Variants in ZP2 observed in about 807,000 individuals in gnomAD.
ZP2 encodes zona pellucida sperm-binding protein 2.
In ZP2, 51 loss-of-function variants were observed where a neutral mutation model predicts 84.0. The observed-to-expected ratio is 0.61, with a 90% CI of 0.49 to 0.77. The LOEUF (loss-of-function observed/expected upper bound fraction) is 0.77. Among genes scored for constraint, ZP2 ranks in the 30% least tolerant of loss-of-function variants. The probability of loss-of-function intolerance (pLI) is 0.00; values close to 1 mark genes in which losing one functional copy is unlikely to be tolerated. For missense variants in ZP2, 909 were observed against 911.9 expected (o/e 1.00, Z 0.04); for synonymous variants, 375 against 330.9 (o/e 1.13, Z -1.45).
In ZP2 at chr16:21,205,538, G is replaced by C; in HGVS notation, c.575C>G (p.Ala192Gly). The C allele has an allele frequency of 6.2e-7, 1 of 1,614,042 alleles. No individual in the cohort carries two copies. Among genetic ancestry groups the C allele is most frequent in the Non-Finnish European group, 8.5e-7 (1 of 1,179,980 alleles). Reference protein sequence around the residue: ...MGWSIEVGDGARAKTLTLPEA... With the variant: ...MGWSIEVGDGGRAKTLTLPEA... ...TGGCAGGGTCAGAGTTTTGGCTCTT[G>C]CACCATCACCAACCTCAATGCTCCA... The change falls in exon 7 of 19, where the codon GCA (alanine) becomes GGA (glycine). Residue 192 changes from alanine to glycine, a missense_variant. Ala to Gly is a moderately conservative substitution (Grantham distance 60). Transcript: ENST00000574091.
upstream of ZP2, chr16:21,211,739 C>T (rs931858269): frequency 2.0e-5 from 30 of 1,488,634 alleles, no homozygotes; most frequent in African/African-American, 3.6e-4. Context: ...GGTATTCTGC[C>T]AGCTGCCCTG....
chr16:21,201,269 C>G (rs2093223696), intron 14 of ZP2, 100 bp downstream of exon 14: 1 of 1,074,318 alleles, frequency 9.3e-7, no homozygotes. Context: ...CTGGATCTCA[C>G]ATGACTGAAT....
In ZP2 at chr16:21,197,467, T is replaced by C. The variant is rs1408150550; in HGVS notation, c.*13A>G. ...CAAGAGGCTTATTTTGACTGCTTTA[T>C]TTAGAAGCCCATTTAGTGATTTGAC... On this transcript the variant is annotated 3_prime_UTR_variant, in exon 19 of 19. Transcript: ENST00000574091. The C allele has an allele frequency of 1.9e-6, 3 of 1,613,846 alleles. No individual in the cohort carries two copies. Among genetic ancestry groups the C allele is most frequent in the Non-Finnish European group, 2.5e-6 (3 of 1,179,904 alleles).
At chr16:21,199,344 A>G (rs1280303001) in intron 16 of ZP2, among the ~76,000 whole-genome samples, 3 of 142,646 alleles carry the variant, frequency 2.1e-5, no homozygotes, top group Non-Finnish European at 4.7e-5. Flanking sequence ...AAAAAAAAAA[A>G]GGATAGATTC....
intron 18 of ZP2, 66 bp from the exon 19 acceptor site, chr16:21,197,688 A>T (rs987370839): frequency 6.2e-7 from 1 of 1,612,560 alleles, no homozygotes; most frequent in African/African-American, 1.3e-5. Context: ...AGCCTTACAT[A>T]AGGCTCCCCA....
Position 21,209,721 on chromosome 16 carries a change from A to C in ZP2, c.240T>G (p.Pro80=), listed in dbSNP as rs771887422. ...TKKWHASVVD[P]LGLDMPNCTY... Reference sequence around the variant, plus strand: ...TGCAGTTCGGCATGTCGAGACCAAGAGGATCTGCCAAGGCCAGAGCAGGTT... The same window carrying C: ...TGCAGTTCGGCATGTCGAGACCAAGCGGATCTGCCAAGGCCAGAGCAGGTT... Residue 80 remains proline (P), a synonymous_variant, in exon 4 of 19, where the codon CCT becomes CCG. Transcript: ENST00000574091. 5 of 1,614,132 alleles carry C rather than the reference A, an allele frequency of 3.1e-6. No individual in the cohort carries two copies. Among genetic ancestry groups the C allele is most frequent in the Non-Finnish European group, 4.2e-6 (5 of 1,179,976 alleles).
At position 21,202,299 on chromosome 16, in the gene ZP2, G is replaced by T; in HGVS notation, c.1100-8C>A. ...TGCACAGCTCCCCTGTAACTAGACAGCGGTGAAAGTTTAGAGAAAATAAGT... is the reference window on the plus strand; with the variant it reads ...TGCACAGCTCCCCTGTAACTAGACATCGGTGAAAGTTTAGAGAAAATAAGT... On this transcript the variant is annotated splice_region_variant and splice_polypyrimidine_tract_variant and intron_variant, in intron 10 of 18. Transcript: ENST00000574091. The T allele has an allele frequency of 1.3e-6, 2 of 1,494,944 alleles. No homozygotes were observed. The highest frequency in any genetic ancestry group is 1.8e-6 in the Non-Finnish European group (2 of 1,125,500). The allele number at this position is 1,494,944 out of a possible 1,614,324, so 92.6% of individuals were successfully genotyped here. A position where few individuals can be genotyped will look rare whatever the true frequency, so the allele number is the denominator to read the frequency against.
At chr16:21,202,351 C>T in intron 10 of ZP2, 60 bp from the exon 11 acceptor site, 1 of 1,403,376 alleles carries the variant, frequency 7.1e-7, no homozygotes, top group Non-Finnish European at 9.5e-7. Context: ...ACTGTCATCT[C>T]CCAACCTGAT....
At chr16:21,202,650 T>C (rs17763635) in intron 10 of ZP2, among the ~76,000 whole-genome samples, 26,693 of 152,194 alleles carry the variant, frequency 0.18, 2,465 homozygotes, top group African/African-American at 0.2. Flanking sequence ...TTTCTTTGTA[T>C]ACTCACAAAT....
chr16:21,213,352 A>G (rs139429236), upstream of ZP2, among the ~76,000 whole-genome samples: 426 of 152,272 alleles, frequency 2.8e-3, 2 homozygotes, highest in African/African-American at 9.2e-3. Flanking sequence ...GCCCTTTGCC[A>G]CTAATTTTAA....
At chr16:21,205,810 T>G in intron 5 of ZP2, 35 bp from the exon 6 acceptor site, 1 of 1,610,910 alleles carries the variant, frequency 6.2e-7, no homozygotes, top group South Asian at 1.1e-5. Flanking sequence ...AGACTTTGAT[T>G]TGGAGGTAGA....
rs2093239180 is a variant in ZP2, at chr16:21,204,210, A to T, written c.792T>A (p.Asp264Glu). 4 of 1,614,096 alleles carry T rather than the reference A, an allele frequency of 2.5e-6. No individual in the cohort carries two copies. The highest frequency in any genetic ancestry group is 3.4e-6 in the Non-Finnish European group (4 of 1,180,004). ...IFSSQAICAP[D>E]PVTCNATHMT... ...TGTGTGTGGCATTGCAGGTCACAGG[A>T]TCTAGAAGGAATGACAACAGAATGC... is the stretch of plus-strand genomic sequence containing the variant. The change falls in exon 9 of 19, where the codon GAT becomes GAA. Residue 264 changes from aspartate to glutamate, a missense_variant and splice_region_variant. Asp to Glu is a conservative substitution (Grantham distance 45). Transcript: ENST00000574091.
chr16:21,202,079 C>G, intron 11 of ZP2, 25 bp downstream of exon 11: 1 of 1,613,388 alleles, frequency 6.2e-7, no homozygotes, highest in East Asian at 2.2e-5. Context: ...TGAGACTTAA[C>G]CTCGTGCCAT....
At chr16:21,211,860 C>T (rs953301006), upstream of ZP2, 3 of 1,136,278 alleles carry the variant, frequency 2.6e-6, no homozygotes, top group African/African-American at 3.1e-5. Flanking sequence ...TTATTTACAA[C>T]TGCAATGTAG....
Position 21,206,977 on chromosome 16 carries a change from T to A in ZP2, c.344A>T (p.Gln115Leu), listed in dbSNP as rs1256763538. 8.1e-6 allele frequency: 13 copies of A among 1,614,158 alleles called. No homozygotes were observed. The highest frequency in any genetic ancestry group is 1.3e-5 in the African/African-American group (1 of 75,054). ...NCTRRVHGGH[Q>L]MTIRVMNNSA... Reference sequence around the variant, plus strand: ...GTTGTTCATGACTCTGATGGTCATCTGGTGTCCACCATGCTGTGTACAGAT... The same window carrying A: ...GTTGTTCATGACTCTGATGGTCATCAGGTGTCCACCATGCTGTGTACAGAT... The change falls in exon 5 of 19, where the codon CAG becomes CTG. Residue 115 changes from glutamine (Q) to leucine (L), a missense_variant. Physicochemically the swap from Gln to Leu is moderately radical, Grantham distance 113. Transcript: ENST00000574091.
intron 4 of ZP2, 39 bp from the exon 5 acceptor site, chr16:21,207,029 G>A (rs750643658): frequency 9.3e-6 from 15 of 1,610,130 alleles, no homozygotes; most frequent in Non-Finnish European, 8.5e-7. Context: ...AGTAAGTACT[G>A]TACCCCCATG....
chr16:21,209,856 T>A (rs930324687), intron 3 of ZP2, 131 bp from the exon 4 acceptor site: 1 of 820,904 alleles, frequency 1.2e-6, no homozygotes, highest in Non-Finnish European at 2.0e-6. Context: ...AACTCAGTGA[T>A]AGAACTTGAG....
At position 21,204,301 on chromosome 16, in the gene ZP2, A is replaced by T. The variant is rs1399224973; in HGVS notation, c.790+7T>A. On this transcript the variant is annotated splice_region_variant and intron_variant, in intron 8 of 18. Transcript: ENST00000574091. ...CACACTGAGGTTGCAGCTATCTGGG[A>T]CCTTACCTGGTGCACAAATAGCTTG... 4 of 1,614,050 alleles carry T rather than the reference A, an allele frequency of 2.5e-6. No individual in the cohort carries two copies. In the South Asian group the frequency reaches 3.3e-5, roughly 13 times the overall value.
At chr16:21,200,338 T>A (rs1482167485) in intron 14 of ZP2, among the ~76,000 whole-genome samples, 3 of 152,182 alleles carry the variant, frequency 2.0e-5, no homozygotes, top group Non-Finnish European at 4.4e-5. Flanking sequence ...CTTGGGAGGC[T>A]AAGGCAGGTG....
Sources: allele counts gnomAD v4.1 joint callset (sites outside exome capture counted in the v4.1 genomes callset), GRCh38; gene constraint gnomAD v4.1.1; transcripts MANE v1.5; gene names NCBI Gene and HGNC (gene_info 2026-07-23, HGNC 2026-07-21).